ITSN2: variants seen among roughly 807,000 people sequenced by gnomAD.
ITSN2 encodes the protein intersectin-2.
ITSN2 carries 156 observed loss-of-function variants against 243.7 expected under a neutral mutation model. That is an observed-to-expected ratio of 0.64 (90% CI 0.56 to 0.73). The LOEUF is 0.73. Ranked by LOEUF, ITSN2 falls within the 30% of genes least tolerant of loss-of-function variation. The pLI is 0.00. For synonymous variants in ITSN2, 703 were observed against 699.9 expected, an observed-to-expected ratio of 1.00 and a Z score of -0.07; for missense variants, 1,801 against 1,996.1, an observed-to-expected ratio of 0.90 and a Z score of 1.86.
chr2:24,289,054 T>C (rs990002221), intron 15 of ITSN2, among the ~76,000 whole-genome samples: 11 of 152,230 alleles, frequency 7.2e-5, no homozygotes, highest in Admixed American at 1.3e-4. Flanking sequence ...GGCAGTGTGA[T>C]GCTTCCAACT....
intron 8 of ITSN2, among the ~76,000 whole-genome samples, chr2:24,304,099 A>G (rs1020167547): frequency 1.3e-5 from 2 of 152,228 alleles, no homozygotes; most frequent in Non-Finnish European, 2.9e-5. Flanking sequence ...CTGTCTTTTC[A>G]GCAAGATAAT....
intron 2 of ITSN2, chr2:24,326,778 T>C (rs2151833747): frequency 5.9e-6 from 1 of 169,156 alleles, no homozygotes; most frequent in East Asian, 1.9e-4. Context: ...TTACTTTTTA[T>C]ACAAATAATT....
At chr2:24,226,680 T>A (rs1671063231) in intron 29 of ITSN2, among the ~76,000 whole-genome samples, 1 of 152,186 alleles carries the variant, frequency 6.6e-6, no homozygotes, top group African/African-American at 2.4e-5. Flanking sequence ...AGTTATTTTT[T>A]CTCTGTGTTG....
intron 7 of ITSN2, among the ~76,000 whole-genome samples, chr2:24,309,137 T>A (rs1682925578): frequency 6.6e-6 from 1 of 152,184 alleles, no homozygotes; most frequent in Admixed American, 6.5e-5. Context: ...ATGAAACCAG[T>A]CCCTGGTACC....
rs1024934172 is a variant in ITSN2 at position 24,225,041 on chromosome 2, C to T, written c.3578-3975G>A. Among the ~76,000 whole-genome samples the T allele has an allele frequency of 1.3e-5, 2 of 152,188 alleles. No homozygotes were observed. Among genetic ancestry groups the T allele is most frequent in the African/African-American group, 4.8e-5 (2 of 41,452 alleles). On this transcript the variant is annotated intron_variant, in intron 29 of 39. Coordinates refer to ENST00000355123, the MANE Select transcript of ITSN2 (RefSeq NM_006277.3). The surrounding 1 kb of genome is among the most constrained non-coding windows in gnomAD (Gnocchi z 4.2). Reference sequence around the variant, plus strand: ...AAAATAAAGACACGAGGCCTCTCTTCCTCCCCTTCTGTCTGTCCATTTGTC... The same window carrying T: ...AAAATAAAGACACGAGGCCTCTCTTTCTCCCCTTCTGTCTGTCCATTTGTC...
At chr2:24,339,794 C>A (rs933410969) in intron 1 of ITSN2, among the ~76,000 whole-genome samples, 3 of 151,602 alleles carry the variant, frequency 2.0e-5, no homozygotes, top group Non-Finnish European at 2.9e-5. Flanking sequence ...TGGGAGGCCA[C>A]AGTGGGAGGA....
chr2:24,227,721 G>C (rs1300714451), intron 29 of ITSN2, among the ~76,000 whole-genome samples: 1 of 152,088 alleles, frequency 6.6e-6, no homozygotes, highest in African/African-American at 2.4e-5. Flanking sequence ...AAGAGTTCAA[G>C]ACCAGCCTGG....
intron 1 of ITSN2, among the ~76,000 whole-genome samples, chr2:24,348,895 G>A (rs1276385006): frequency 1.3e-5 from 2 of 152,166 alleles, no homozygotes; most frequent in East Asian, 3.9e-4. Context: ...TACAAATAAA[G>A]TATACTATCG....
chr2:24,334,427 C>G (rs1264694976), intron 1 of ITSN2: 4 of 479,122 alleles, frequency 8.3e-6, no homozygotes, highest in Admixed American at 5.2e-5. Flanking sequence ...CTTGGCCCAG[C>G]CAAGGTTAAA....
chr2:24,261,263 C>T lies in ITSN2; in HGVS notation c.2538-13G>A, dbSNP rs1210378063. On this transcript the variant is annotated splice_polypyrimidine_tract_variant and intron_variant, in intron 21 of 39. Coordinates refer to ENST00000355123, the MANE Select transcript of ITSN2 (RefSeq NM_006277.3). ...TGAAGAAAGTGGTCTGCAAATATAA[C>T]ACTTTGATATAAGTATATTTATTTG... 6.3e-7 allele frequency: 1 copy of T among 1,589,190 alleles called. No individual in the cohort carries two copies. Among genetic ancestry groups the T allele is most frequent in the East Asian group, 2.2e-5 (1 of 44,684 alleles).
chr2:24,313,598 G>C, intron 3 of ITSN2, 75 bp from the exon 4 acceptor site: 1 of 928,688 alleles, frequency 1.1e-6, no homozygotes, highest in Non-Finnish European at 1.7e-6. Context: ...AATAATAATG[G>C]GTATATGTTA....
chr2:24,333,002 G>C (rs902634738), intron 1 of ITSN2, among the ~76,000 whole-genome samples: 10 of 152,118 alleles, frequency 6.6e-5, no homozygotes, highest in Non-Finnish European at 1.0e-4. Context: ...ATACTGCTAG[G>C]CACCTTTGAT....
chr2:24,230,129 G>A (rs1164070684), intron 29 of ITSN2, among the ~76,000 whole-genome samples: 2 of 152,080 alleles, frequency 1.3e-5, no homozygotes, highest in African/African-American at 4.8e-5. Context: ...TGTCTAAAAG[G>A]CACATCAAAG....
At position 24,244,504 on chromosome 2, in the gene ITSN2, T is replaced by C. The variant is rs1034349339; in HGVS notation, c.3577+1625A>G. On this transcript the variant is annotated intron_variant, in intron 29 of 39. Coordinates refer to ENST00000355123, the MANE Select transcript of ITSN2 (RefSeq NM_006277.3). Reference sequence around the variant, plus strand: ...TTCAGAAAACCATCACTTTAGATCATAGATGCTATAGAAGCCAAATGTACT... The same window carrying C: ...TTCAGAAAACCATCACTTTAGATCACAGATGCTATAGAAGCCAAATGTACT... 1.2e-4 allele frequency among the ~76,000 whole-genome samples: 18 copies of C among 152,174 alleles called. 1 individual carries two copies. The highest frequency in any genetic ancestry group is 6.2e-4 in the South Asian group (3 of 4,822).
intron 29 of ITSN2, among the ~76,000 whole-genome samples, chr2:24,235,071 T>C (rs1672001320): frequency 1.3e-5 from 2 of 152,234 alleles, no homozygotes; most frequent in African/African-American, 4.8e-5. Context: ...TCATTCAGAA[T>C]TGCCAAAACT....
At chr2:24,286,460 T>C (rs1181092046) in intron 15 of ITSN2, 109 bp from the exon 16 acceptor site, 2 of 850,108 alleles carry the variant, frequency 2.4e-6, no homozygotes, top group South Asian at 1.5e-5. Context: ...ATACGAAGGA[T>C]GTATACACAA....
At position 24,210,788 on chromosome 2, in the gene ITSN2, GGC is replaced by G; in HGVS notation, c.4247_4248del (p.Gly1416AlafsTer41). 1 of 1,613,854 alleles carries G rather than the reference GGC, an allele frequency of 6.2e-7. No individual in the cohort carries two copies. The highest frequency in any genetic ancestry group is 1.3e-5 in the African/African-American group (1 of 75,038). On this transcript the variant is annotated frameshift_variant, in exon 34 of 40. Coordinates refer to ENST00000355123, the MANE Select transcript of ITSN2 (RefSeq NM_006277.3). LOFTEE classifies it high-confidence loss of function. ...EWIQAHVQCE[G>X]LAEQLIFNSL... ...AACCACACAGGCCTGACCTCCGCGA[GGC>G]CTTCACACTGCACGTGCGCCTGGAT...
rs1336121305 is a variant in ITSN2 at position 24,300,153 on chromosome 2, C to T, written c.1100G>A (p.Arg367Gln). 16 of 1,613,988 alleles carry T rather than the reference C, an allele frequency of 9.9e-6. 1 individual carries two copies. Among genetic ancestry groups the T allele is most frequent in the Admixed American group, 3.3e-5 (2 of 59,986 alleles). ...GTTCCCTCGCTCATAGTTGGCTTTC[C>T]GTTTGTCCTCAAAAGTAACTGAACA... ...KKLPVTFEDK[R>Q]KANYERGNME... Residue 367 changes from arginine to glutamine, a missense_variant, in exon 12 of 40, where the codon CGG becomes CAG. By Grantham distance (43) the Arg-to-Gln change is conservative. This residue lies in a region of ITSN2 where 787 missense variants were observed against 803.9 expected (regional missense o/e 0.98). Coordinates refer to ENST00000355123, the MANE Select transcript of ITSN2 (RefSeq NM_006277.3).
intron 2 of ITSN2, among the ~76,000 whole-genome samples, chr2:24,324,853 CAAAAAAAAAA>C (rs10554094): frequency 1.7e-5 from 1 of 59,288 alleles, no homozygotes; most frequent in East Asian, 5.1e-4. Context: ...GACCCTGTCT[CAAAAAAAAAA>C]AAAAAAAAAA....
Sources: allele counts gnomAD v4.1 joint callset (sites outside exome capture counted in the v4.1 genomes callset), GRCh38; gene constraint gnomAD v4.1.1; regional missense constraint gnomAD v4.1.1; non-coding constraint Gnocchi (gnomAD v3.1); transcripts MANE v1.5; gene names NCBI Gene and HGNC (gene_info 2026-07-23, HGNC 2026-07-21).